The following GFAP variants were observed in gnomAD, a reference collection of about 807,000 sequenced individuals.
The protein encoded by GFAP is glial fibrillary acidic protein.
Under a neutral mutation model 49.3 loss-of-function variants are expected in GFAP, and 38 were observed. The ratio of observed to expected loss-of-function variants is 0.77; its 90% confidence interval spans 0.60 to 1.01. GFAP has a LOEUF of 1.01. GFAP is among the 50% of genes least tolerant of loss of function. The pLI, the probability that GFAP is intolerant of heterozygous loss-of-function variation, is 0.00. For synonymous variants in GFAP, 222 were observed against 236.4 expected, an observed-to-expected ratio of 0.94 and a Z score of 0.56; for missense variants, 463 against 579.1, an observed-to-expected ratio of 0.80 and a Z score of 2.06.
At position 44,904,966 on chromosome 17, in the gene GFAP, G is replaced by T. The variant is rs2051631762; in HGVS notation, c.*2381C>A. The T allele has an allele frequency of 6.4e-7, 1 of 1,550,732 alleles. No homozygotes were observed. Among genetic ancestry groups the T allele is most frequent in the African/African-American group, 1.4e-5 (1 of 73,182 alleles). ...ATCCTGAGACTCGCTCGGCTGTGGA[G>T]CTCACCCTGATAGGCTACCTGCTCA... is the stretch of plus-strand genomic sequence containing the variant. On this transcript the variant is annotated 3_prime_UTR_variant, in exon 9 of 9. Coordinates refer to ENST00000588735, the MANE Select transcript of GFAP (RefSeq NM_002055.5).
At chr17:44,914,244 A>G (rs764523297) in intron 1 of GFAP, 156 bp from the exon 2 acceptor site, 1 of 623,082 alleles carries the variant, frequency 1.6e-6, no homozygotes, top group Non-Finnish European at 2.9e-6. Flanking sequence ...TAGACAGAGG[A>G]CTTGTCTGGA....
At position 44,903,738 on chromosome 17, in the gene GFAP, G is replaced by A; in HGVS notation, c.*3609C>T. ...GGCTGCATAATCCTTTCCTCATCTA[G>A]AGGCTTCCGCTTAGCAGAGCTTTCT... On this transcript the variant is annotated 3_prime_UTR_variant, in exon 9 of 9. Coordinates refer to ENST00000588735, the MANE Select transcript of GFAP (RefSeq NM_002055.5). The A allele has an allele frequency of 6.9e-7, 1 of 1,455,252 alleles. No individual in the cohort carries two copies. Among genetic ancestry groups the A allele is most frequent in the African/African-American group, 1.4e-5 (1 of 69,954 alleles). 90.1% of individuals were successfully genotyped at this position (1,455,252 alleles called of 1,614,324 possible). A position where few individuals can be genotyped will look rare whatever the true frequency, so the allele number is the denominator to read the frequency against.
chr17:44,913,211 T>C (rs2051813138), intron 4 of GFAP, 58 bp downstream of exon 4: 2 of 1,539,282 alleles, frequency 1.3e-6, no homozygotes, highest in Admixed American at 1.7e-5. Context: ...CCCCATTCTC[T>C]TGTACAGAGC....
At chr17:44,909,990 G>T in intron 7 of GFAP, 1 of 1,524,246 alleles carries the variant, frequency 6.6e-7, no homozygotes, top group East Asian at 2.3e-5. Flanking sequence ...CCTGGGCTGG[G>T]CACTGCAGTT....
At position 44,910,438 on chromosome 17, in the gene GFAP, C is replaced by T. The variant is rs1015343653; in HGVS notation, c.1171+177G>A. The T allele has an allele frequency of 6.3e-6, 10 of 1,575,142 alleles. No homozygotes were observed. In the African/African-American group the frequency reaches 9.5e-5, roughly 15 times the overall value. ...AGGACAGGGGCAGCTGCAAGCCCCA[C>T]CTAGAAGTACCCTGGTATGATAGGC... On this transcript the variant is annotated intron_variant, in intron 7 of 8. Transcript: ENST00000588735.
chr17:44,910,331 G>C (rs1412927779), intron 7 of GFAP: 42 of 1,612,716 alleles, frequency 2.6e-5, no homozygotes, highest in Non-Finnish European at 3.3e-5. Flanking sequence ...TCAGGGATCT[G>C]CAGACAGGGC....
At chr17:44,908,371 A>T in intron 7 of GFAP, 1 of 352,096 alleles carries the variant, frequency 2.8e-6, no homozygotes. Context: ...GCCTGGCTTC[A>T]TTTCAGCCCC....
Position 44,903,368 on chromosome 17 carries a change from G to A in GFAP, c.*3979C>T. ...GTCCCAAGCCATCAGCTCAGGTCCA[G>A]CCAGCCTCCCGGATGGCCAGATATG... On this transcript the variant is annotated 3_prime_UTR_variant, in exon 9 of 9. Coordinates refer to ENST00000588735, the MANE Select transcript of GFAP (RefSeq NM_002055.5). The A allele has an allele frequency of 8.0e-7, 1 of 1,249,494 alleles. No homozygotes were observed. Among genetic ancestry groups the A allele is most frequent in the Non-Finnish European group, 1.0e-6 (1 of 998,294 alleles). 77.4% of individuals were successfully genotyped at this position (1,249,494 alleles called of 1,614,324 possible). A position where few individuals can be genotyped will look rare whatever the true frequency, so the allele number is the denominator to read the frequency against.
At chr17:44,914,291 C>T (rs558901314) in intron 1 of GFAP, 1 of 589,066 alleles carries the variant, frequency 1.7e-6, no homozygotes, top group African/African-American at 1.9e-5. Context: ...TAACTCATTA[C>T]TAAGGTGCCT....
Position 44,904,367 on chromosome 17 carries a change from C to T in GFAP, c.*2980G>A, listed in dbSNP as rs1224524462. The T allele has an allele frequency of 1.1e-5, 17 of 1,543,296 alleles. No homozygotes were observed. Among genetic ancestry groups the T allele is most frequent in the East Asian group, 9.8e-5 (4 of 40,772 alleles). ...CTTCTGGGAATGGACCCCCTGTGAC[C>T]GCTGCGGAGTGCGTGGGGAGCAGTG... On this transcript the variant is annotated 3_prime_UTR_variant, in exon 9 of 9. Coordinates refer to ENST00000588735, the MANE Select transcript of GFAP (RefSeq NM_002055.5).
intron 5 of GFAP, 54 bp downstream of exon 5, chr17:44,911,618 C>CTGGGG (rs2051770411): frequency 6.2e-7 from 1 of 1,602,246 alleles, no homozygotes. Flanking sequence ...CTGGCATCTC[C>CTGGGG]TGGGGTGGCC....
At position 44,911,298 on chromosome 17, in the gene GFAP, G is replaced by C. The variant is rs1567773632; in HGVS notation, c.1065C>G (p.Val355=). Reference sequence around the variant, plus strand: ...CGATCTCGATGTCCAGGGCCAGCTTGACATTGAGCAGGTCCTGGTACTCCT... The same window carrying C: ...CGATCTCGATGTCCAGGGCCAGCTTCACATTGAGCAGGTCCTGGTACTCCT... The part of the protein sequence containing the change: ...HLQEYQDLLN[V]KLALDIEIAT... The change falls in exon 6 of 9, where the codon GTC becomes GTG. Residue 355 remains valine (V), a synonymous_variant. Transcript: ENST00000588735. 2 of 1,614,196 alleles carry C rather than the reference G, an allele frequency of 1.2e-6. No individual in the cohort carries two copies. The highest frequency in any genetic ancestry group is 1.7e-6 in the Non-Finnish European group (2 of 1,180,038).
In GFAP at chr17:44,904,725, C is replaced by G. The variant is rs1364230699; in HGVS notation, c.*2622G>C. ...GGGGCCCGGCCAGAGCATGCAGTGG[C>G]CTGGGACAAAGACCGCCAGCACCTC... On this transcript the variant is annotated 3_prime_UTR_variant, in exon 9 of 9. Coordinates refer to ENST00000588735, the MANE Select transcript of GFAP (RefSeq NM_002055.5). 3.2e-6 allele frequency: 5 copies of G among 1,550,568 alleles called. No individual in the cohort carries two copies. The highest frequency in any genetic ancestry group is 3.9e-5 in the Admixed American group (2 of 51,010).
At chr17:44,909,884 G>C in intron 7 of GFAP, 1 of 1,325,828 alleles carries the variant, frequency 7.5e-7, no homozygotes, top group African/African-American at 1.5e-5. Flanking sequence ...TGCTTGCTCA[G>C]AGGCCCCAGA....
chr17:44,903,230 A>T lies in GFAP; in HGVS notation c.*4117T>A. The T allele has an allele frequency of 8.0e-7, 1 of 1,256,930 alleles. No homozygotes were observed. The highest frequency in any genetic ancestry group is 1.0e-6 in the Non-Finnish European group (1 of 1,002,230). The allele number at this position is 1,256,930 out of a possible 1,614,324, so 77.9% of individuals were successfully genotyped here. On this transcript the variant is annotated 3_prime_UTR_variant, in exon 9 of 9. Coordinates refer to ENST00000588735, the MANE Select transcript of GFAP (RefSeq NM_002055.5). ...CACAGCTCTTAACAAGAATGTTTAT[A>T]GCCCCAAACCAATGAATGGACATGT...
In GFAP at chr17:44,907,315, G is replaced by A; in HGVS notation, c.*32C>T. 1 of 1,607,342 alleles carries A rather than the reference G, an allele frequency of 6.2e-7. No homozygotes were observed. The highest frequency in any genetic ancestry group is 2.2e-5 in the East Asian group (1 of 44,834). On this transcript the variant is annotated 3_prime_UTR_variant, in exon 9 of 9. Coordinates refer to ENST00000588735, the MANE Select transcript of GFAP (RefSeq NM_002055.5). ...CTGCTTCTGCTCGGGCCCCTCATGA[G>A]ACGGGGCAGAGGCCACCAGGTGGGT...
In GFAP at chr17:44,903,797, GC is replaced by G; in HGVS notation, c.*3549del. The G allele has an allele frequency of 1.3e-6, 2 of 1,528,610 alleles. No homozygotes were observed. Among genetic ancestry groups the G allele is most frequent in the South Asian group, 2.5e-5 (2 of 80,850 alleles). The allele number at this position is 1,528,610 out of a possible 1,614,324, so 94.7% of individuals were successfully genotyped here. A position where few individuals can be genotyped will look rare whatever the true frequency, so the allele number is the denominator to read the frequency against. On this transcript the variant is annotated 3_prime_UTR_variant, in exon 9 of 9. Transcript: ENST00000588735. ...TATGAGCCTTTAATGCCCTGGTTTT[GC>G]CCTGCCCCTCTGACCCCTGCCTCCT...
intron 4 of GFAP, 111 bp from the exon 5 acceptor site, chr17:44,911,908 C>A: frequency 7.7e-7 from 1 of 1,296,392 alleles, no homozygotes; most frequent in Non-Finnish European, 1.1e-6. Context: ...TTGGCCCTGG[C>A]TGGGACTTTT....
intron 4 of GFAP, chr17:44,912,738 T>C (rs1000449179): frequency 9.7e-6 from 2 of 206,766 alleles, no homozygotes; most frequent in African/African-American, 2.3e-5. Context: ...TGGTGTTCTC[T>C]ACGGGCACTA....
Sources: allele counts gnomAD v4.1 joint callset, GRCh38; gene constraint gnomAD v4.1.1; transcripts MANE v1.5; gene names NCBI Gene and HGNC (gene_info 2026-07-23, HGNC 2026-07-21).